Variants in LIMK2 observed in about 807,000 individuals in gnomAD.
LIMK2 encodes LIM domain kinase 2.
Under a neutral mutation model 75.7 loss-of-function variants are expected in LIMK2, and 35 were observed. That is an observed-to-expected ratio of 0.46 (90% CI 0.35 to 0.61). The LOEUF is 0.61. LIMK2 is among the 20% of genes least tolerant of loss of function. The probability of loss-of-function intolerance (pLI) is 0.00; values close to 1 mark genes in which losing one functional copy is unlikely to be tolerated. For missense variants in LIMK2, 623 were observed against 831.0 expected (o/e 0.75, Z 3.08); for synonymous variants, 301 against 319.2 (o/e 0.94, Z 0.61).
chr22:31,270,647 G>GGGAA (rs2048947370), intron 11 of LIMK2, among the ~76,000 whole-genome samples: 1 of 152,202 alleles, frequency 6.6e-6, no homozygotes, highest in Admixed American at 6.5e-5. Context: ...TTAGACAGTG[G>GGGAA]GGAAGGTGGA....
intron 1 of LIMK2, among the ~76,000 whole-genome samples, chr22:31,213,143 G>A (rs2048361693): frequency 1.3e-5 from 2 of 152,138 alleles, no homozygotes; most frequent in Non-Finnish European, 2.9e-5. Context: ...AGCTCCCTTG[G>A]CCTCTCTAGA....
intron 2 of LIMK2, among the ~76,000 whole-genome samples, chr22:31,246,156 G>A (rs1230646586): frequency 7.7e-6 from 1 of 129,732 alleles, no homozygotes. Flanking sequence ...CTGGGCAACA[G>A]AGCGAGACTC....
rs1022057240 is a variant in LIMK2, at chr22:31,217,548, A to G, written c.16+5124A>G. 1.6e-4 allele frequency among the ~76,000 whole-genome samples: 24 copies of G among 152,206 alleles called. 3 individuals carry two copies. Among genetic ancestry groups the G allele is most frequent in the Admixed American group, 1.4e-3 (22 of 15,280 alleles). On this transcript the variant is annotated intron_variant, in intron 1 of 15. Transcript: ENST00000331728. ...AGTCCTGATCTCATGGGATCTTTGT[A>G]TTCAGTTAGCTCATACTTGCGTAGT...
chr22:31,258,442 C>T lies in LIMK2; in HGVS notation c.252+16C>T, dbSNP rs1318855939. 1.9e-6 allele frequency: 3 copies of T among 1,613,714 alleles called. No homozygotes were observed. In the East Asian group the frequency reaches 6.7e-5, roughly 36 times the overall value. ...GCCTTTTATGGTGAGTGAATCCCTT[C>T]ATATCTGCCCCTCTTGGTCTTCAGA... On this transcript the variant is annotated intron_variant, in intron 3 of 15. Transcript: ENST00000331728.
At chr22:31,237,202 A>G (rs1179227342) in intron 2 of LIMK2, among the ~76,000 whole-genome samples, 4 of 149,330 alleles carry the variant, frequency 2.7e-5, no homozygotes, top group African/African-American at 9.9e-5. Flanking sequence ...CGGAGCTTGC[A>G]GTGAGCTGAG....
At chr22:31,244,459 C>A (rs1389288823) in intron 2 of LIMK2, among the ~76,000 whole-genome samples, 9 of 152,160 alleles carry the variant, frequency 5.9e-5, no homozygotes. Context: ...AGCTCTCCAG[C>A]TGGGCAGCCC....
chr22:31,215,795 G>A (rs2048384567), intron 1 of LIMK2, among the ~76,000 whole-genome samples: 1 of 152,130 alleles, frequency 6.6e-6, no homozygotes, highest in Admixed American at 6.6e-5. Flanking sequence ...TACATAGCAA[G>A]ATCCCCATCT....
intron 5 of LIMK2, 137 bp from the exon 6 acceptor site, chr22:31,261,997 C>A: frequency 2.9e-6 from 2 of 688,736 alleles, no homozygotes; most frequent in Non-Finnish European, 5.3e-6. Context: ...AAAGGTGTTG[C>A]CTTTCTGTGT....
chr22:31,258,864 A>T (rs2048810535), intron 3 of LIMK2: 1 of 455,250 alleles, frequency 2.2e-6, no homozygotes, highest in Admixed American at 3.4e-5. Flanking sequence ...GGAAGAACTG[A>T]TCTTTTTTAG....
At chr22:31,247,700 T>C (rs1405178772) in intron 2 of LIMK2, among the ~76,000 whole-genome samples, 1 of 152,160 alleles carries the variant, frequency 6.6e-6, no homozygotes, top group African/African-American at 2.4e-5. Context: ...TTACCTAATC[T>C]CTCTGTACCT....
Position 31,262,316 on chromosome 22 carries a change from A to G in LIMK2, c.657+77A>G. The G allele has an allele frequency of 3.5e-6, 4 of 1,144,118 alleles. No homozygotes were observed. In the Admixed American group the frequency reaches 6.9e-5, roughly 20 times the overall value. The allele number at this position is 1,144,118 out of a possible 1,614,324, so 70.9% of individuals were successfully genotyped here. The stretch of plus-strand genomic sequence containing the variant: ...TCTGAGAAATCAGGCTGTAGCCTTT[A>G]CCTTTTCCTACCCCCAGCCCATCTC... On this transcript the variant is annotated intron_variant, in intron 6 of 15. Coordinates refer to ENST00000331728, the MANE Select transcript of LIMK2 (RefSeq NM_005569.4). The surrounding 1 kb of genome is among the most constrained non-coding windows in gnomAD (Gnocchi z 5.0).
intron 2 of LIMK2, among the ~76,000 whole-genome samples, chr22:31,241,426 A>T (rs907325416): frequency 1.3e-5 from 2 of 152,112 alleles, no homozygotes. Context: ...TTGATGACTC[A>T]CCACATAAGG....
chr22:31,231,710 T>C (rs1375254461), intron 2 of LIMK2, among the ~76,000 whole-genome samples: 1 of 152,154 alleles, frequency 6.6e-6, no homozygotes, highest in African/African-American at 2.4e-5. Flanking sequence ...GAGGCAGAGG[T>C]AGAAAAATGG....
chr22:31,264,253 A>AG (rs1296136384), intron 7 of LIMK2, among the ~76,000 whole-genome samples: 2 of 152,082 alleles, frequency 1.3e-5, no homozygotes, highest in Non-Finnish European at 2.9e-5. Flanking sequence ...CATGCAGAGG[A>AG]GGGGGGCAGC....
intron 2 of LIMK2, among the ~76,000 whole-genome samples, chr22:31,231,377 A>G (rs769862223): frequency 4.6e-5 from 7 of 152,216 alleles, no homozygotes; most frequent in Non-Finnish European, 8.8e-5. Flanking sequence ...TGTTGCTGCC[A>G]CACTTACTAA....
chr22:31,216,721 T>A (rs1316660630), intron 1 of LIMK2, among the ~76,000 whole-genome samples: 1 of 152,180 alleles, frequency 6.6e-6, no homozygotes, highest in Non-Finnish European at 1.5e-5. Flanking sequence ...CAAGGGGCTG[T>A]ATTAGGCTTT....
At chr22:31,269,793 G>A (rs545392242) in intron 11 of LIMK2, among the ~76,000 whole-genome samples, 4 of 151,648 alleles carry the variant, frequency 2.6e-5, no homozygotes, top group Admixed American at 6.6e-5. Context: ...AAAAAAGAGA[G>A]ACTGATATGG....
intron 4 of LIMK2, among the ~76,000 whole-genome samples, 158 bp from the exon 5 acceptor site, chr22:31,259,731 C>T (rs2048818781): frequency 6.6e-6 from 1 of 152,166 alleles, no homozygotes; most frequent in Non-Finnish European, 1.5e-5. Context: ...ACCCTGAGAA[C>T]CCAGGCTCCT....
chr22:31,221,919 G>T (rs2048437712), intron 1 of LIMK2, among the ~76,000 whole-genome samples: 1 of 152,140 alleles, frequency 6.6e-6, no homozygotes, highest in South Asian at 2.1e-4. Flanking sequence ...GACTGAAGCG[G>T]GTCCATTGAA....
Sources: gnomAD v4.1 joint callset for allele counts (sites outside exome capture counted in the v4.1 genomes callset) on GRCh38, gnomAD v4.1.1 for gene constraint, Gnocchi (gnomAD v3.1) non-coding constraint, MANE v1.5 for transcripts, NCBI Gene and HGNC (gene_info 2026-07-23, HGNC 2026-07-21) for gene names.